Variants in CLEC1A observed in about 807,000 individuals in gnomAD.
CLEC1A encodes the protein C-type lectin domain family 1 member A.
Under a neutral mutation model 28.7 loss-of-function variants are expected in CLEC1A, and 34 were observed. The ratio of observed to expected loss-of-function variants is 1.18; its 90% CI spans 0.90 to 1.57. The LOEUF is 1.57. Ranked by LOEUF, CLEC1A falls within the 40% of genes most tolerant of loss-of-function variation. CLEC1A has a pLI of 0.00. For synonymous variants in CLEC1A, 116 were observed against 121.0 expected (o/e 0.96, Z 0.27); for missense variants, 385 against 339.5 (o/e 1.13, Z -1.05).
At chr12:10,091,825 T>G (rs1161186221) in intron 1 of CLEC1A, among the ~76,000 whole-genome samples, 1 of 152,222 alleles carries the variant, frequency 6.6e-6, no homozygotes, top group East Asian at 1.9e-4. Flanking sequence ...GATTTTATTT[T>G]TCCACATACC....
rs1489338239 is a variant in CLEC1A, at chr12:10,081,224, A to T, written c.391+13T>A. On this transcript the variant is annotated intron_variant, in intron 3 of 5. Transcript: ENST00000315330. ...CAGACAACATGGGGACAGAGTGACC[A>T]GGACACACTTACCTCCAGCTTTGTT... is the stretch of plus-strand genomic sequence containing the variant. The T allele has an allele frequency of 3.9e-6, 6 of 1,547,856 alleles. No individual in the cohort carries two copies. The highest frequency in any genetic ancestry group is 5.2e-6 in the Non-Finnish European group (6 of 1,149,032).
intron 1 of CLEC1A, among the ~76,000 whole-genome samples, chr12:10,095,674 A>G (rs1046181073): frequency 5.3e-5 from 8 of 152,200 alleles, no homozygotes; most frequent in Non-Finnish European, 1.0e-4. Context: ...TTAAATAATC[A>G]TTTTAGTCTT....
At chr12:10,078,249 A>G (rs1866295282) in intron 3 of CLEC1A, among the ~76,000 whole-genome samples, 1 of 152,136 alleles carries the variant, frequency 6.6e-6, no homozygotes, top group Non-Finnish European at 1.5e-5. Context: ...ATCTGCTCAA[A>G]ATAGTAGCCA....
At chr12:10,097,198 T>C (rs1947788921) in intron 1 of CLEC1A, among the ~76,000 whole-genome samples, 1 of 152,238 alleles carries the variant, frequency 6.6e-6, no homozygotes, top group African/African-American at 2.4e-5. Flanking sequence ...GTTACGTCAA[T>C]TGTTATTGAC....
chr12:10,093,004 T>C (rs992377014), intron 1 of CLEC1A, among the ~76,000 whole-genome samples: 2 of 152,152 alleles, frequency 1.3e-5, no homozygotes, highest in African/African-American at 4.8e-5. Flanking sequence ...AGGGAGTTCA[T>C]CTTCCAGGAA....
chr12:10,073,247 A>T, intron 5 of CLEC1A, 46 bp downstream of exon 5: 3 of 1,446,622 alleles, frequency 2.1e-6, no homozygotes, highest in Non-Finnish European at 1.9e-6. Context: ...CTCAAGCAAA[A>T]TATCTTTGTT....
At chr12:10,089,301 AG>A in intron 1 of CLEC1A, 79 bp from the exon 2 acceptor site, 1 of 1,157,720 alleles carries the variant, frequency 8.6e-7, no homozygotes, top group Non-Finnish European at 1.3e-6. Context: ...AAGGGAGTGG[AG>A]TTAATTCTGC....
At chr12:10,096,510 A>G (rs185965321) in intron 1 of CLEC1A, among the ~76,000 whole-genome samples, 1 of 152,222 alleles carries the variant, frequency 6.6e-6, no homozygotes, top group African/African-American at 2.4e-5. Flanking sequence ...TATCATTTCC[A>G]TTGCAGCCAG....
chr12:10,073,563 TG>T, intron 4 of CLEC1A, 152 bp from the exon 5 acceptor site: 1 of 608,040 alleles, frequency 1.6e-6, no homozygotes. Flanking sequence ...GCATCTATGC[TG>T]AGGCCAGTCA....
chr12:10,087,322 C>A, intron 2 of CLEC1A, among the ~76,000 whole-genome samples: 1 of 149,674 alleles, frequency 6.7e-6, no homozygotes, highest in East Asian at 2.0e-4. Flanking sequence ...ATACACAAGT[C>A]AATAAATATG....
Position 10,080,370 on chromosome 12 carries a change from T to C in CLEC1A, c.391+867A>G, listed in dbSNP as rs553303092. ...TAGTAAATAAGGACATTATGACCAT[T>C]GAGGTCATTAGTTATGTAGGAAAGA... is the stretch of plus-strand genomic sequence containing the variant. On this transcript the variant is annotated intron_variant, in intron 3 of 5. Transcript: ENST00000315330. 3.9e-5 allele frequency among the ~76,000 whole-genome samples: 6 copies of C among 152,096 alleles called. No individual in the cohort carries two copies. In the South Asian group the frequency reaches 1.2e-3, roughly 32 times the overall value.
At chr12:10,092,503 T>A (rs1262283248) in intron 1 of CLEC1A, 1 of 351,338 alleles carries the variant, frequency 2.8e-6, no homozygotes, top group Admixed American at 3.3e-5. Flanking sequence ...GTCGTGATCG[T>A]GCCACTCTAC....
chr12:10,077,481 G>A (rs1000306099), intron 3 of CLEC1A, among the ~76,000 whole-genome samples: 4 of 152,002 alleles, frequency 2.6e-5, no homozygotes, highest in Non-Finnish European at 4.4e-5. Context: ...CCGGAAAAAC[G>A]GGTGGACTGA....
chr12:10,077,850 C>T (rs887363712), intron 3 of CLEC1A, among the ~76,000 whole-genome samples: 19 of 152,090 alleles, frequency 1.2e-4, no homozygotes, highest in South Asian at 2.1e-4. Flanking sequence ...ATGTGTCTGG[C>T]CCAGAATTTT....
chr12:10,071,398 T>A lies in CLEC1A; in HGVS notation c.778A>T (p.Arg260Trp). Residue 260 changes from arginine (R) to tryptophan (W), a missense_variant, in exon 6 of 6, where the codon AGG (arginine) becomes TGG (tryptophan). By Grantham distance (101) the Arg-to-Trp change is moderately radical (BLOSUM62 -3). Coordinates refer to ENST00000315330, the MANE Select transcript of CLEC1A (RefSeq NM_016511.4). ...KELKRCVCER[R>W]AGMVKPESLH... Reference sequence around the variant, plus strand: ...CTCTCTGGCTTCACCATTCCTGCCCTTCTCTCACAGACACAACGCTTCAAT... The same window carrying A: ...CTCTCTGGCTTCACCATTCCTGCCCATCTCTCACAGACACAACGCTTCAAT... 1 of 1,614,038 alleles carries A rather than the reference T, an allele frequency of 6.2e-7. No homozygotes were observed. Among genetic ancestry groups the A allele is most frequent in the Non-Finnish European group, 8.5e-7 (1 of 1,179,908 alleles).
At chr12:10,078,736 C>T (rs10845030) in intron 3 of CLEC1A, among the ~76,000 whole-genome samples, 71,721 of 152,010 alleles carry the variant, frequency 0.47, 20,490 homozygotes, top group Middle Eastern at 0.72. Flanking sequence ...TTGTCCCCTC[C>T]AAATCTCATA....
chr12:10,071,447 C>T lies in CLEC1A; in HGVS notation c.729G>A (p.Met243Ile). 1 of 1,613,940 alleles carries T rather than the reference C, an allele frequency of 6.2e-7. No homozygotes were observed. The highest frequency in any genetic ancestry group is 8.5e-7 in the Non-Finnish European group (1 of 1,179,856). Reference sequence around the variant, plus strand: ...ATTCTTTGCAGTCCTTTGAGAAGATCATCCCATTAAGGATGGCCACACAGT... The same window carrying T: ...ATTCTTTGCAGTCCTTTGAGAAGATTATCCCATTAAGGATGGCCACACAGT... ...SRDCVAILNG[M>I]IFSKDCKELK... The change falls in exon 6 of 6, where the codon ATG (methionine) becomes ATA (isoleucine). Residue 243 changes from methionine to isoleucine, a missense_variant. Physicochemically the swap from Met to Ile is conservative, Grantham distance 10. Coordinates refer to ENST00000315330, the MANE Select transcript of CLEC1A (RefSeq NM_016511.4).
At chr12:10,087,763 T>C (rs905489279) in intron 2 of CLEC1A, among the ~76,000 whole-genome samples, 4 of 150,866 alleles carry the variant, frequency 2.7e-5, no homozygotes, top group African/African-American at 9.7e-5. Context: ...CCTCAAGCGA[T>C]TCGCCCGCCT....
chr12:10,073,084 A>T (rs184874489), intron 5 of CLEC1A, among the ~76,000 whole-genome samples: 1 of 152,126 alleles, frequency 6.6e-6, no homozygotes, highest in Admixed American at 6.5e-5. Context: ...TATCTCAAAA[A>T]ACAATCAAAC....
Sources: gnomAD v4.1 joint callset for allele counts (sites outside exome capture counted in the v4.1 genomes callset) on GRCh38, gnomAD v4.1.1 for gene constraint, MANE v1.5 for transcripts, NCBI Gene and HGNC (gene_info 2026-07-23, HGNC 2026-07-21) for gene names.